The following POLD3 variants were observed in gnomAD, a reference collection of about 807,000 sequenced individuals.
POLD3 encodes the protein DNA polymerase delta subunit 3.
A neutral mutation model predicts 58.2 loss-of-function variants in POLD3; 19 were observed. The observed-to-expected ratio is 0.33, with a 90% confidence interval of 0.23 to 0.48. POLD3 has a LOEUF of 0.48. POLD3 is among the 20% of genes least tolerant of loss of function. The probability of loss-of-function intolerance (pLI) is 0.99; values close to 1 mark genes in which losing one functional copy is unlikely to be tolerated. For missense variants in POLD3, 504 were observed against 545.5 expected (o/e 0.92, Z 0.76); for synonymous variants, 172 against 193.5 (o/e 0.89, Z 0.92).
At chr11:74,615,774 C>G (rs1375365533) in intron 5 of POLD3, among the ~76,000 whole-genome samples, 1 of 152,078 alleles carries the variant, frequency 6.6e-6, no homozygotes, top group Non-Finnish European at 1.5e-5. Flanking sequence ...GCCATAGTTT[C>G]TATAAGTTCC....
At chr11:74,600,292 T>C (rs2031444021) in intron 2 of POLD3, among the ~76,000 whole-genome samples, 1 of 152,144 alleles carries the variant, frequency 6.6e-6, no homozygotes, top group African/African-American at 2.4e-5. Flanking sequence ...TATTAAAAAA[T>C]ATTTGGCTTA....
rs774561576 is a variant in POLD3, at chr11:74,634,668, G to A, written c.1092G>A (p.Lys364=). ...PPSPPLEPVP[K]TEPEPPSVKS... ...CTCCACCTCTTGAACCAGTGCCAAA[G>A]ACTGAGCCTGAACCTCCTTCTGTCA... The change falls in exon 10 of 12, where the codon AAG becomes AAA. Residue 364 remains lysine (K), a synonymous_variant. Transcript: ENST00000263681. The A allele has an allele frequency of 2.8e-5, 45 of 1,610,372 alleles. 1 individual carries two copies. The South Asian group carries it at 4.5e-4, about 16-fold the overall frequency.
intron 3 of POLD3, among the ~76,000 whole-genome samples, chr11:74,608,366 C>T (rs1281730731): frequency 6.6e-6 from 1 of 152,162 alleles, no homozygotes; most frequent in Non-Finnish European, 1.5e-5. Flanking sequence ...AGTGATCCTC[C>T]TGCTTCGGCC....
chr11:74,618,690 C>T lies in POLD3; in HGVS notation c.546C>T (p.Ser182=). ...CCAATGGTCATGGCCCACCTGCATC[C>T]AAGCAGGTTTCCCAGCAGCCCAAAG... is the stretch of plus-strand genomic sequence containing the variant. ...LTTNGHGPPA[S]KQVSQQPKGI... The change falls in exon 6 of 12, where the codon TCC becomes TCT. Residue 182 remains serine, a synonymous_variant. Coordinates refer to ENST00000263681, the MANE Select transcript of POLD3 (RefSeq NM_006591.3). The T allele has an allele frequency of 6.2e-7, 1 of 1,614,072 alleles. No homozygotes were observed.
At chr11:74,659,125 G>T (rs886729312) in intron 4 of POLD3, among the ~76,000 whole-genome samples, 1 of 152,184 alleles carries the variant, frequency 6.6e-6, no homozygotes, top group Admixed American at 6.5e-5. Flanking sequence ...CCAAACCCCA[G>T]TTCTTGACTC....
At chr11:74,625,345 A>G (rs1329657195) in intron 7 of POLD3, 63 bp from the exon 8 acceptor site, 2 of 1,343,062 alleles carry the variant, frequency 1.5e-6, no homozygotes, top group Non-Finnish European at 2.1e-6. Flanking sequence ...TAGACTGTCA[A>G]AAGAATGATG....
chr11:74,615,619 C>T lies in POLD3; in HGVS notation c.392+2609C>T, dbSNP rs7928502. ...GGTGGTAGCTAAGGAGGGATTGAGA[C>T]GGGAAGGATATATACATTTCTTAAG... On this transcript the variant is annotated intron_variant, in intron 5 of 11. Transcript: ENST00000263681. 4.5e-3 allele frequency among the ~76,000 whole-genome samples: 687 copies of T among 152,126 alleles called. 5 individuals carry two copies. The highest frequency in any genetic ancestry group is 0.016 in the African/African-American group (657 of 41,486).
At chr11:74,657,085 A>G (rs1332956188) in intron 4 of POLD3, among the ~76,000 whole-genome samples, 2 of 152,050 alleles carry the variant, frequency 1.3e-5, no homozygotes, top group Non-Finnish European at 2.9e-5. Flanking sequence ...TTTGTCTGGT[A>G]TAAGTATAGC....
chr11:74,664,067 A>G (rs945246409), intron 4 of POLD3, among the ~76,000 whole-genome samples: 1 of 152,260 alleles, frequency 6.6e-6, no homozygotes, highest in African/African-American at 2.4e-5. Flanking sequence ...AGCAAAATGT[A>G]AATGAAAATG....
At position 74,630,185 on chromosome 11, in the gene POLD3, C is replaced by T. The variant is rs565679048; in HGVS notation, c.1006+862C>T. On this transcript the variant is annotated intron_variant, in intron 9 of 11. Coordinates refer to ENST00000263681, the MANE Select transcript of POLD3 (RefSeq NM_006591.3). Reference sequence around the variant, plus strand: ...AGAATAATGAATGCAAAAAAGGAACCTACTGAGCTATCAAAGGACAAACTT... The same window carrying T: ...AGAATAATGAATGCAAAAAAGGAACTTACTGAGCTATCAAAGGACAAACTT... Among the ~76,000 whole-genome samples the T allele has an allele frequency of 2.9e-4, 44 of 152,128 alleles. 1 individual carries two copies. In the South Asian group the frequency reaches 8.3e-3, roughly 29 times the overall value.
In POLD3 at chr11:74,641,678, T is replaced by A; in HGVS notation, c.*912T>A. The stretch of plus-strand genomic sequence containing the variant: ...AAATCCCTTCCTATATACAGTGTGC[T>A]ACATTTACAAAAAATTTCTCCTTAA... On this transcript the variant is annotated 3_prime_UTR_variant, in exon 12 of 12. Transcript: ENST00000263681. 1 of 985,102 alleles carries A rather than the reference T, an allele frequency of 1.0e-6. No individual in the cohort carries two copies. Among genetic ancestry groups the A allele is most frequent in the Non-Finnish European group, 1.2e-6 (1 of 829,640 alleles). 61.0% of individuals were successfully genotyped at this position (985,102 alleles called of 1,614,324 possible).
intron 2 of POLD3, among the ~76,000 whole-genome samples, chr11:74,603,223 G>A (rs1276063904): frequency 1.3e-5 from 2 of 152,172 alleles, no homozygotes; most frequent in East Asian, 3.9e-4. Context: ...CTTCACTCTG[G>A]CAGCATCATG....
At chr11:74,602,866 T>C (rs1257611405) in intron 2 of POLD3, among the ~76,000 whole-genome samples, 1 of 152,228 alleles carries the variant, frequency 6.6e-6, no homozygotes, top group Non-Finnish European at 1.5e-5. Context: ...AGAACCTTGG[T>C]ATTTGCTGGA....
chr11:74,606,041 C>T (rs146885930), intron 3 of POLD3, among the ~76,000 whole-genome samples: 167 of 152,248 alleles, frequency 1.1e-3, no homozygotes, highest in African/African-American at 3.8e-3. Flanking sequence ...GCTGTGATTG[C>T]GCCACTGCAC....
chr11:74,668,145 C>CA (rs1463212002), intron 4 of POLD3, among the ~76,000 whole-genome samples: 1 of 152,188 alleles, frequency 6.6e-6, no homozygotes, highest in Non-Finnish European at 1.5e-5. Context: ...TAAAATGGTG[C>CA]AGGCACTTTG....
intron 4 of POLD3, among the ~76,000 whole-genome samples, chr11:74,667,395 A>G (rs2033283825): frequency 6.6e-6 from 1 of 152,092 alleles, no homozygotes; most frequent in African/African-American, 2.4e-5. Flanking sequence ...AAAATTAGCC[A>G]GGCATGGTGG....
chr11:74,649,458 A>G (rs1222345011), intron 4 of POLD3, among the ~76,000 whole-genome samples: 1 of 152,166 alleles, frequency 6.6e-6, no homozygotes, highest in Non-Finnish European at 1.5e-5. Context: ...TGTTGTAAAC[A>G]TTCTTGCATA....
At chr11:74,630,522 G>A (rs1413783881) in intron 9 of POLD3, among the ~76,000 whole-genome samples, 5 of 152,118 alleles carry the variant, frequency 3.3e-5, no homozygotes, top group Non-Finnish European at 5.9e-5. Flanking sequence ...ATGTCCTTCC[G>A]TGGGTTTTAG....
downstream of POLD3, among the ~76,000 whole-genome samples, chr11:74,644,393 G>T (rs1006291073): frequency 2.0e-5 from 3 of 152,192 alleles, no homozygotes; most frequent in African/African-American, 7.2e-5. Flanking sequence ...TTGTGAGAAG[G>T]CAGTATTGCT....
Sources: allele counts gnomAD v4.1 joint callset (sites outside exome capture counted in the v4.1 genomes callset), GRCh38; gene constraint gnomAD v4.1.1; transcripts MANE v1.5; gene names NCBI Gene and HGNC (gene_info 2026-07-23, HGNC 2026-07-21).